Variants in RPL14 observed in about 807,000 individuals in gnomAD.
The protein encoded by RPL14 is large ribosomal subunit protein eL14.
RPL14 carries 4 observed loss-of-function variants against 25.3 expected under a neutral mutation model. The observed-to-expected ratio is 0.16, with a 90% CI of 0.08 to 0.36. The LOEUF (loss-of-function observed/expected upper bound fraction) is 0.36. Ranked by LOEUF, RPL14 falls within the 10% of genes least tolerant of loss-of-function variation. The pLI is 1.00. For missense variants in RPL14, 212 were observed against 261.9 expected (o/e 0.81, Z 1.31); for synonymous variants, 75 against 89.8 (o/e 0.84, Z 0.93).
intron 3 of RPL14, among the ~76,000 whole-genome samples, chr3:40,460,020 A>G (rs540438412): frequency 1.4e-4 from 21 of 152,266 alleles, no homozygotes; most frequent in South Asian, 6.2e-4. Context: ...TGACATACCA[A>G]TTAGGGGTGA....
rs536123084 is a variant in RPL14 at position 40,463,764 on chromosome 3, A to AG, written c.*1534dup. On this transcript the variant is annotated 3_prime_UTR_variant, in exon 6 of 6. Transcript: ENST00000396203. ...ATAAATGAATTTCCTGTATAGACCT[A>AG]GGTCCCATCCCCAAAGTGTCATGTA... The AG allele has an allele frequency of 1.3e-5, 2 of 152,254 alleles. No homozygotes were observed. Among genetic ancestry groups the AG allele is most frequent in the Non-Finnish European group, 2.9e-5 (2 of 68,092 alleles). 9.4% of individuals were successfully genotyped at this position (152,254 alleles called of 1,614,324 possible). A position where few individuals can be genotyped will look rare whatever the true frequency, so the allele number is the denominator to read the frequency against.
At chr3:40,457,503 G>T in intron 1 of RPL14, 29 bp downstream of exon 1, 1 of 1,507,074 alleles carries the variant, frequency 6.6e-7, no homozygotes, top group Non-Finnish European at 9.0e-7. Context: ...GCTGTGCAGC[G>T]GAATCGGGCC....
Position 40,461,471 on chromosome 3 carries a change from A to G in RPL14, c.265A>G (p.Thr89Ala), listed in dbSNP as rs750968462. ...AGACATCAATACAAAATGGGCAGCC[A>G]CACGATGGGCCAAGAAGATTGAAGC... The part of the protein sequence containing the change: ...KADINTKWAA[T>A]RWAKKIEARE... Residue 89 changes from threonine to alanine, a missense_variant, in exon 4 of 6, where the codon ACA becomes GCA. By Grantham distance (58) the Thr-to-Ala change is moderately conservative. Transcript: ENST00000396203. 3.1e-6 allele frequency: 5 copies of G among 1,614,046 alleles called. No individual in the cohort carries two copies. In the South Asian group the frequency reaches 3.3e-5, roughly 11 times the overall value.
In RPL14 at chr3:40,464,158, C is replaced by A; in HGVS notation, c.*1926C>A. The stretch of plus-strand genomic sequence containing the variant: ...ATATTGTATTAGAGATGGGGTTTTG[C>A]CATGTCAGCCAGACTGGTCTTGAAC... On this transcript the variant is annotated 3_prime_UTR_variant, in exon 6 of 6. Coordinates refer to ENST00000396203, the MANE Select transcript of RPL14 (RefSeq NM_001034996.3). The A allele has an allele frequency of 3.4e-6, 1 of 295,926 alleles. No homozygotes were observed. Among genetic ancestry groups the A allele is most frequent in the Admixed American group, 4.1e-5 (1 of 24,536 alleles). The allele number at this position is 295,926 out of a possible 1,614,324, so 18.3% of individuals were successfully genotyped here.
rs1182070119 is a variant in RPL14 at position 40,462,768 on chromosome 3, C to T, written c.*536C>T. 6.6e-6 allele frequency: 1 copy of T among 152,348 alleles called. No homozygotes were observed. Among genetic ancestry groups the T allele is most frequent in the African/African-American group, 2.4e-5 (1 of 41,436 alleles). 9.4% of individuals were successfully genotyped at this position (152,348 alleles called of 1,614,324 possible). ...CATAATTGATCATGTCATGAGAAAT[C>T]ATGATAACTTAGAACACCAAGTGAC... On this transcript the variant is annotated 3_prime_UTR_variant, in exon 6 of 6. Coordinates refer to ENST00000396203, the MANE Select transcript of RPL14 (RefSeq NM_001034996.3).
At chr3:40,461,386 T>A in intron 3 of RPL14, 21 bp from the exon 4 acceptor site, 1 of 1,605,192 alleles carries the variant, frequency 6.2e-7, no homozygotes, top group Non-Finnish European at 8.5e-7. Context: ...TTTCTTAATC[T>A]GTGGTCTTGG....
At chr3:40,461,885 G>C (rs948231832) in intron 5 of RPL14, 54 bp from the exon 6 acceptor site, 201 of 1,532,578 alleles carry the variant, frequency 1.3e-4, no homozygotes, top group Non-Finnish European at 1.6e-4. Context: ...AGCATAAATT[G>C]GATTTTATTG....
Position 40,465,174 on chromosome 3 carries a change from A to T in RPL14, c.*2942A>T, listed in dbSNP as rs909026921. On this transcript the variant is annotated 3_prime_UTR_variant, in exon 6 of 6. Coordinates refer to ENST00000396203, the MANE Select transcript of RPL14 (RefSeq NM_001034996.3). Reference sequence around the variant, plus strand: ...GTAGGATGACAACAATCAAGAGACGAATAGAGGTTGGAAAGGAGTCATGAG... The same window carrying T: ...GTAGGATGACAACAATCAAGAGACGTATAGAGGTTGGAAAGGAGTCATGAG... 2.6e-5 allele frequency: 4 copies of T among 152,222 alleles called. No individual in the cohort carries two copies. The highest frequency in any genetic ancestry group is 7.2e-5 in the African/African-American group (3 of 41,426). 9.4% of individuals were successfully genotyped at this position (152,222 alleles called of 1,614,324 possible). A position where few individuals can be genotyped will look rare whatever the true frequency, so the allele number is the denominator to read the frequency against.
At chr3:40,460,113 G>T (rs1028497223) in intron 3 of RPL14, among the ~76,000 whole-genome samples, 1 of 152,092 alleles carries the variant, frequency 6.6e-6, no homozygotes, top group Non-Finnish European at 1.5e-5. Flanking sequence ...TTGTAATTCT[G>T]CCTTGGATCC....
intron 2 of RPL14, 104 bp from the exon 3 acceptor site, chr3:40,458,538 T>C (rs868075721): frequency 2.5e-6 from 2 of 787,708 alleles, no homozygotes; most frequent in Admixed American, 2.1e-5. Context: ...AAAATAGTAG[T>C]GTGGGTTTGA....
Position 40,463,487 on chromosome 3 carries a change from T to G in RPL14, c.*1255T>G, listed in dbSNP as rs1160281419. ...TCCCAAAGTGCTGGAATTACAGGTGTGAGCCACTGTGCCCGGCCTGCAAAT... is the reference window on the plus strand; with the variant it reads ...TCCCAAAGTGCTGGAATTACAGGTGGGAGCCACTGTGCCCGGCCTGCAAAT... On this transcript the variant is annotated 3_prime_UTR_variant, in exon 6 of 6. Coordinates refer to ENST00000396203, the MANE Select transcript of RPL14 (RefSeq NM_001034996.3). The G allele has an allele frequency of 6.6e-6, 1 of 152,214 alleles. No homozygotes were observed. The highest frequency in any genetic ancestry group is 1.9e-4 in the East Asian group (1 of 5,198). 9.4% of individuals were successfully genotyped at this position (152,214 alleles called of 1,614,324 possible).
chr3:40,462,452 CTG>C lies in RPL14; in HGVS notation c.*222_*223del, dbSNP rs1696957965. ...ACTGCAGTGGCGCTATCTCGGCTCACTGTAAGTTCCACCTCCCGGGTTCATGC... is the reference window on the plus strand; with the variant it reads ...ACTGCAGTGGCGCTATCTCGGCTCACTAAGTTCCACCTCCCGGGTTCATGC... On this transcript the variant is annotated 3_prime_UTR_variant, in exon 6 of 6. Coordinates refer to ENST00000396203, the MANE Select transcript of RPL14 (RefSeq NM_001034996.3). 1 of 437,618 alleles carries C rather than the reference CTG, an allele frequency of 2.3e-6. No individual in the cohort carries two copies. Among genetic ancestry groups the C allele is most frequent in the Non-Finnish European group, 3.8e-6 (1 of 262,470 alleles). The allele number at this position is 437,618 out of a possible 1,614,324, so 27.1% of individuals were successfully genotyped here. A position where few individuals can be genotyped will look rare whatever the true frequency, so the allele number is the denominator to read the frequency against.
In RPL14 at chr3:40,457,354, C is replaced by G; in HGVS notation, c.-118C>G. ...GGTCTTCTTCCTTCTCGCCTAACGC[C>G]GCCAACATGGTGAGTCTTACTGTTG... On this transcript the variant is annotated 5_prime_UTR_variant, in exon 1 of 6. Transcript: ENST00000396203. 3.7e-6 allele frequency: 6 copies of G among 1,604,666 alleles called. No individual in the cohort carries two copies. Among genetic ancestry groups the G allele is most frequent in the Non-Finnish European group, 5.1e-6 (6 of 1,175,440 alleles).
Position 40,462,005 on chromosome 3 carries a change from A to C in RPL14, c.421A>C (p.Lys141Gln). The change falls in exon 6 of 6, where the codon AAA becomes CAA. Residue 141 changes from lysine to glutamine, a missense_variant. Around this residue, in one of 3 missense-constraint regions of RPL14, gnomAD observed 143 missense variants for 180.3 expected, o/e 0.79. Coordinates refer to ENST00000396203, the MANE Select transcript of RPL14 (RefSeq NM_001034996.3). ...QKAALLKASP[K>Q]KAPGTKGTAA... is the part of the protein sequence containing the mutation. ...GGCAGCTCTCCTGAAAGCTTCTCCCAAAAAAGCACCTGGTACTAAGGGTAC... is the reference window on the plus strand; with the variant it reads ...GGCAGCTCTCCTGAAAGCTTCTCCCCAAAAAGCACCTGGTACTAAGGGTAC... 6.3e-7 allele frequency: 1 copy of C among 1,588,806 alleles called. No homozygotes were observed. The highest frequency in any genetic ancestry group is 1.1e-5 in the South Asian group (1 of 89,682).
chr3:40,462,018 G>T lies in RPL14; in HGVS notation c.434G>T (p.Gly145Val). ...LLKASPKKAP[G>V]TKGTAAAAAA... Reference sequence around the variant, plus strand: ...AAAGCTTCTCCCAAAAAAGCACCTGGTACTAAGGGTACTGCTGCTGCTGCT... The same window carrying T: ...AAAGCTTCTCCCAAAAAAGCACCTGTTACTAAGGGTACTGCTGCTGCTGCT... Residue 145 changes from glycine (G) to valine (V), a missense_variant, in exon 6 of 6, where the codon GGT becomes GTT. By Grantham distance (109) the Gly-to-Val change is moderately radical. Around this residue, in one of 3 missense-constraint regions of RPL14, gnomAD observed 143 missense variants for 180.3 expected, o/e 0.79. Coordinates refer to ENST00000396203, the MANE Select transcript of RPL14 (RefSeq NM_001034996.3). 1 of 796,112 alleles carries T rather than the reference G, an allele frequency of 1.3e-6. No homozygotes were observed. The highest frequency in any genetic ancestry group is 1.9e-6 in the Non-Finnish European group (1 of 527,168). 49.3% of individuals were successfully genotyped at this position (796,112 alleles called of 1,614,324 possible). A position where few individuals can be genotyped will look rare whatever the true frequency, so the allele number is the denominator to read the frequency against.
Position 40,457,996 on chromosome 3 carries a change from G to T in RPL14, c.105+5G>T, listed in dbSNP as rs376860167. ...GATGTTATTGATCAGAACAGGGTAA[G>T]TGTCACAACTTTTTACTAAACATGG... On this transcript the variant is annotated splice_donor_5th_base_variant and intron_variant, in intron 2 of 5. Coordinates refer to ENST00000396203, the MANE Select transcript of RPL14 (RefSeq NM_001034996.3). The T allele has an allele frequency of 2.5e-6, 4 of 1,613,360 alleles. No homozygotes were observed. In the African/African-American group the frequency reaches 5.3e-5, roughly 22 times the overall value.
chr3:40,460,675 G>A (rs1462439934), intron 3 of RPL14, among the ~76,000 whole-genome samples: 3 of 151,144 alleles, frequency 2.0e-5, no homozygotes, highest in South Asian at 2.1e-4. Flanking sequence ...GTGCAGTGAC[G>A]CAATCTTGAC....
rs1413983573 is a variant in RPL14, at chr3:40,462,011, G to A, written c.427G>A (p.Ala143Thr). Residue 143 changes from alanine (A) to threonine (T), a missense_variant, in exon 6 of 6, where the codon GCA becomes ACA. Physicochemically the swap from Ala to Thr is moderately conservative, Grantham distance 58. This residue lies in a region of RPL14 where 143 missense variants were observed against 180.3 expected (regional missense o/e 0.79). Coordinates refer to ENST00000396203, the MANE Select transcript of RPL14 (RefSeq NM_001034996.3). ...TCTCCTGAAAGCTTCTCCCAAAAAA[G>A]CACCTGGTACTAAGGGTACTGCTGC... Reference protein sequence around the residue: ...AALLKASPKKAPGTKGTAAAA... With the variant: ...AALLKASPKKTPGTKGTAAAA... 3 of 1,501,670 alleles carry A rather than the reference G, an allele frequency of 2.0e-6. No homozygotes were observed. Among genetic ancestry groups the A allele is most frequent in the African/African-American group, 1.4e-5 (1 of 70,834 alleles). The allele number at this position is 1,501,670 out of a possible 1,614,324, so 93.0% of individuals were successfully genotyped here. A position where few individuals can be genotyped will look rare whatever the true frequency, so the allele number is the denominator to read the frequency against.
rs911894849 is a variant in RPL14 at position 40,463,582 on chromosome 3, CA to C, written c.*1355del. On this transcript the variant is annotated 3_prime_UTR_variant, in exon 6 of 6. Transcript: ENST00000396203. ...TTGCAGGTTGAGCATATTTCTAATC[CA>C]AAAAGCTCTAACCTCTGAAACTGAG... 6.6e-6 allele frequency: 1 copy of C among 152,120 alleles called. No individual in the cohort carries two copies. Among genetic ancestry groups the C allele is most frequent in the Admixed American group, 6.6e-5 (1 of 15,264 alleles). 9.4% of individuals were successfully genotyped at this position (152,120 alleles called of 1,614,324 possible).
Sources: gnomAD v4.1 joint callset for allele counts (sites outside exome capture counted in the v4.1 genomes callset) on GRCh38, gnomAD v4.1.1 for gene constraint, gnomAD v4.1.1 regional missense constraint, MANE v1.5 for transcripts, NCBI Gene and HGNC (gene_info 2026-07-23, HGNC 2026-07-21) for gene names.